The following EVL variants were observed in gnomAD, a reference collection of about 807,000 sequenced individuals.
EVL encodes Enah/Vasp-like, also known as ena/VASP-like protein.
In EVL, 21 loss-of-function variants were observed where a neutral mutation model predicts 59.6. The ratio of observed to expected loss-of-function variants is 0.35; its 90% CI spans 0.25 to 0.51. The LOEUF is 0.51. EVL is among the 20% of genes least tolerant of loss of function. The pLI, the probability that EVL is intolerant of heterozygous loss-of-function variation, is 0.97. For synonymous variants in EVL, 198 were observed against 203.5 expected (o/e 0.97, Z 0.23); for missense variants, 462 against 546.6 (o/e 0.85, Z 1.54).
At chr14:100,133,928 A>C (rs557009300) in intron 8 of EVL, among the ~76,000 whole-genome samples, 2 of 151,914 alleles carry the variant, frequency 1.3e-5, no homozygotes, top group African/African-American at 4.8e-5. Context: ...CAAGAACGAG[A>C]CTCCGTCTCA....
intron 2 of EVL, chr14:100,085,102 C>A: frequency 2.5e-6 from 1 of 398,186 alleles, no homozygotes; most frequent in Non-Finnish European, 4.5e-6. Flanking sequence ...CTGCCTATTT[C>A]ACTGTGTTAT....
chr14:100,096,311 CTTG>C (rs1885809967), intron 2 of EVL, among the ~76,000 whole-genome samples: 2 of 152,230 alleles, frequency 1.3e-5, no homozygotes, highest in Admixed American at 6.5e-5. Context: ...GAGAAATCAT[CTTG>C]TACTTCTAAA....
At chr14:100,089,469 G>C (rs1203082021) in intron 2 of EVL, among the ~76,000 whole-genome samples, 2 of 152,236 alleles carry the variant, frequency 1.3e-5, no homozygotes, top group East Asian at 3.8e-4. Flanking sequence ...ATTAGTAACA[G>C]AGGGTAACTT....
chr14:99,999,563 T>A (rs1481826498), intron 1 of EVL, among the ~76,000 whole-genome samples: 1 of 152,200 alleles, frequency 6.6e-6, no homozygotes, highest in African/African-American at 2.4e-5. Flanking sequence ...TTCAGAAGGC[T>A]GAGGCAGGAG....
intron 3 of EVL, chr14:100,097,872 T>C (rs1369693934): frequency 2.1e-5 from 10 of 475,460 alleles, no homozygotes; most frequent in Non-Finnish European, 3.7e-5. Flanking sequence ...TTGCCACTTG[T>C]GAGATATAGA....
At chr14:100,077,126 G>T (rs923392396) in intron 1 of EVL, among the ~76,000 whole-genome samples, 2 of 152,180 alleles carry the variant, frequency 1.3e-5, no homozygotes, top group African/African-American at 4.8e-5. Context: ...TTTGAGGAAG[G>T]TCTCTCTGGT....
At position 100,128,690 on chromosome 14, in the gene EVL, G is replaced by A. The variant is rs1411332129; in HGVS notation, c.659G>A (p.Ser220Asn). ...GGAQGSSHDE[S>N]SMSGLAAAIA... ...GCCCAGGGGTCCAGCCACGACGAGAGCTCCATGTCAGGACTGGCCGCTGCC... is the reference window on the plus strand; with the variant it reads ...GCCCAGGGGTCCAGCCACGACGAGAACTCCATGTCAGGACTGGCCGCTGCC... The change falls in exon 6 of 14, where the codon AGC becomes AAC. Residue 220 changes from serine to asparagine, a missense_variant. Physicochemically the swap from Ser to Asn is conservative, Grantham distance 46. Coordinates refer to ENST00000392920, the MANE Select transcript of EVL (RefSeq NM_016337.3). 6.2e-7 allele frequency: 1 copy of A among 1,607,032 alleles called. No homozygotes were observed. The highest frequency in any genetic ancestry group is 8.5e-7 in the Non-Finnish European group (1 of 1,178,802).
At chr14:100,012,196 A>G (rs2061020866) in intron 1 of EVL, among the ~76,000 whole-genome samples, 1 of 152,212 alleles carries the variant, frequency 6.6e-6, no homozygotes, top group Admixed American at 6.5e-5. Flanking sequence ...AGAAAATCCT[A>G]TACCCCAGCT....
intron 1 of EVL, among the ~76,000 whole-genome samples, chr14:100,003,671 G>A (rs1295455112): frequency 6.6e-6 from 1 of 151,914 alleles, no homozygotes; most frequent in Non-Finnish European, 1.5e-5. Context: ...TGCCCTCCTT[G>A]GTCTCTCAAA....
At chr14:100,022,623 G>A (rs1161392956) in intron 1 of EVL, among the ~76,000 whole-genome samples, 1 of 152,104 alleles carries the variant, frequency 6.6e-6, no homozygotes, top group African/African-American at 2.4e-5. Context: ...TGACTCAGAT[G>A]CATTTACTTA....
At chr14:100,076,147 G>C (rs1477089154) in intron 1 of EVL, among the ~76,000 whole-genome samples, 1 of 152,228 alleles carries the variant, frequency 6.6e-6, no homozygotes, top group Non-Finnish European at 1.5e-5. Context: ...TACTTGAGGA[G>C]TAGCAGAAAA....
intron 3 of EVL, among the ~76,000 whole-genome samples, chr14:100,103,951 G>A (rs887364130): frequency 6.6e-6 from 1 of 152,224 alleles, no homozygotes; most frequent in Non-Finnish European, 1.5e-5. Flanking sequence ...ACGTGCTGCA[G>A]GAGGGTGCGT....
chr14:100,098,591 T>G (rs1369032993), intron 3 of EVL, among the ~76,000 whole-genome samples: 1 of 152,176 alleles, frequency 6.6e-6, no homozygotes, highest in Admixed American at 6.5e-5. Flanking sequence ...GAAGCAGAAT[T>G]ACATGTGGCT....
At chr14:100,082,780 A>G (rs912569133) in intron 1 of EVL, among the ~76,000 whole-genome samples, 2 of 152,244 alleles carry the variant, frequency 1.3e-5, no homozygotes, top group Non-Finnish European at 2.9e-5. Context: ...GAAGCATCTC[A>G]GACCACATCA....
intron 4 of EVL, 123 bp from the exon 5 acceptor site, chr14:100,126,584 G>A: frequency 2.1e-6 from 2 of 953,888 alleles, no homozygotes; most frequent in Non-Finnish European, 3.3e-6. Context: ...GCACACAGTG[G>A]CGCTTGTGGA....
chr14:99,993,224 AT>A (rs545797169), intron 1 of EVL, among the ~76,000 whole-genome samples: 1 of 150,438 alleles, frequency 6.6e-6, no homozygotes, highest in Non-Finnish European at 1.5e-5. Flanking sequence ...CGCCTGGCTA[AT>A]TTTTTTTTAT....
chr14:100,135,692 C>A, intron 8 of EVL: 3 of 533,042 alleles, frequency 5.6e-6, no homozygotes, highest in Non-Finnish European at 1.0e-5. Context: ...TCCCTGTAGC[C>A]TTCCCCTTCC....
chr14:100,115,173 A>G (rs1887255202), intron 3 of EVL, among the ~76,000 whole-genome samples: 2 of 151,828 alleles, frequency 1.3e-5, no homozygotes, highest in African/African-American at 2.4e-5. Flanking sequence ...TAAGCATATT[A>G]GGAAGACAGA....
Position 100,097,658 on chromosome 14 carries a change from G to A in EVL, c.358G>A (p.Gly120Ser), listed in dbSNP as rs200233370. ...GAACATCATGAATTCCCAAGAAGGAGGTAAGTAGGGCTTTGTCTTGGCCTG... is the reference window on the plus strand; with the variant it reads ...GAACATCATGAATTCCCAAGAAGGAAGTAAGTAGGGCTTTGTCTTGGCCTG... ...ALNIMNSQEG[G>S]PSSQRQVQNG... The change falls in exon 3 of 14, where the codon GGC (glycine) becomes AGC (serine). Residue 120 changes from glycine to serine, a missense_variant and splice_region_variant. Physicochemically the swap from Gly to Ser is moderately conservative, Grantham distance 56. Coordinates refer to ENST00000392920, the MANE Select transcript of EVL (RefSeq NM_016337.3). The A allele has an allele frequency of 2.1e-4, 333 of 1,608,092 alleles. No individual in the cohort carries two copies. The highest frequency in any genetic ancestry group is 2.6e-4 in the Non-Finnish European group (308 of 1,176,902).
Sources: allele counts gnomAD v4.1 joint callset (sites outside exome capture counted in the v4.1 genomes callset), GRCh38; gene constraint gnomAD v4.1.1; transcripts MANE v1.5; gene names NCBI Gene and HGNC (gene_info 2026-07-23, HGNC 2026-07-21).